SEMA6B: variants seen among roughly 807,000 people sequenced by gnomAD.
The protein encoded by SEMA6B is semaphorin-6B.
A neutral mutation model predicts 78.6 loss-of-function variants in SEMA6B; 47 were observed. That is an observed-to-expected ratio of 0.60 (90% CI 0.47 to 0.76). SEMA6B has a LOEUF of 0.76. SEMA6B is among the 30% of genes least tolerant of loss of function. The pLI, the probability that SEMA6B is intolerant of heterozygous loss-of-function variation, is 0.00. For missense variants in SEMA6B, 1,213 were observed against 1,269.9 expected (o/e 0.96, Z 0.68); for synonymous variants, 632 against 592.2 (o/e 1.07, Z -0.98).
intron 14 of SEMA6B, among the ~76,000 whole-genome samples, chr19:4,546,817 G>T (rs1382725322): frequency 6.6e-6 from 1 of 151,802 alleles, no homozygotes; most frequent in African/African-American, 2.4e-5. Context: ...CAGAGACAGG[G>T]TTTCACCAGG....
intron 15 of SEMA6B, 52 bp from the exon 16 acceptor site, chr19:4,546,326 T>C (rs769229176): frequency 6.2e-7 from 1 of 1,604,052 alleles, no homozygotes; most frequent in Non-Finnish European, 8.5e-7. Context: ...CAGTCAGAGA[T>C]CAGGGGGATC....
Position 4,543,615 on chromosome 19 carries a change from G to T in SEMA6B, c.2653C>A (p.Pro885Thr). The stretch of plus-strand genomic sequence containing the variant: ...GGGCCCCCGGCCTAGGGCACGGGGG[G>T]CGCAGTCCTGTCCGCCCCCCCATAG... ...LPYGGADRTA[P>T]PVP The change falls in exon 17 of 17, where the codon CCC (proline) becomes ACC (threonine). Residue 885 changes from proline (P) to threonine (T), a missense_variant. Transcript: ENST00000586582. 1 of 1,234,186 alleles carries T rather than the reference G, an allele frequency of 8.1e-7. No individual in the cohort carries two copies. Among genetic ancestry groups the T allele is most frequent in the Non-Finnish European group, 1.0e-6 (1 of 988,444 alleles). 76.5% of individuals were successfully genotyped at this position (1,234,186 alleles called of 1,614,324 possible).
rs1204831823 is a variant in SEMA6B at position 4,552,445 on chromosome 19, G to A, written c.966C>T (p.Ala322=). Residue 322 remains alanine, a synonymous_variant, in exon 10 of 17, where the codon GCC becomes GCT. Transcript: ENST00000586582. This position sits in a 1 kb window ranked among gnomAD's most constrained non-coding sequence, Gnocchi z 7.4. ...VSLGGRPVVL[A]VFSTPSNSIP... ...ACCTGTTGCTGGGCGTGGAAAAAAC[G>A]GCCAGGACCACGGGCCGGCCCCCGA... is the stretch of plus-strand genomic sequence containing the variant. The A allele has an allele frequency of 8.8e-6, 14 of 1,594,892 alleles. No individual in the cohort carries two copies. The highest frequency in any genetic ancestry group is 6.8e-5 in the East Asian group (3 of 43,876).
chr19:4,546,867 C>T (rs1049262114), intron 14 of SEMA6B, among the ~76,000 whole-genome samples: 10 of 152,016 alleles, frequency 6.6e-5, no homozygotes, highest in Admixed American at 5.9e-4. Flanking sequence ...CCACCCGCCT[C>T]GGACTCCCAA....
In SEMA6B at chr19:4,555,440, G is replaced by A; in HGVS notation, c.562+34C>T. On this transcript the variant is annotated intron_variant, in intron 7 of 16. Transcript: ENST00000586582. The surrounding 1 kb of genome is among the most constrained non-coding windows in gnomAD (Gnocchi z 6.1). Reference sequence around the variant, plus strand: ...AAATGCCAGGTCTTGCCTGTGGCTGGGGCTGATCAGATGGAGGTTGGGGGG... The same window carrying A: ...AAATGCCAGGTCTTGCCTGTGGCTGAGGCTGATCAGATGGAGGTTGGGGGG... 6.3e-7 allele frequency: 1 copy of A among 1,578,564 alleles called. No individual in the cohort carries two copies. Among genetic ancestry groups the A allele is most frequent in the Non-Finnish European group, 8.7e-7 (1 of 1,154,840 alleles).
In SEMA6B at chr19:4,550,594, C is replaced by A. The variant is rs1395732290; in HGVS notation, c.1121+205G>T. ...GGTCGGGCTGGTCTCAAACCCTCGA[C>A]CTCAGGTGATCTGCCCACCTCCGCC... On this transcript the variant is annotated intron_variant, in intron 11 of 16. Coordinates refer to ENST00000586582, the MANE Select transcript of SEMA6B (RefSeq NM_032108.4). The surrounding 1 kb of genome is among the most constrained non-coding windows in gnomAD (Gnocchi z 6.6). Among the ~76,000 whole-genome samples the A allele has an allele frequency of 2.0e-5, 3 of 152,106 alleles. No individual in the cohort carries two copies. Among genetic ancestry groups the A allele is most frequent in the African/African-American group, 7.2e-5 (3 of 41,406 alleles).
rs564925636 is a variant in SEMA6B at position 4,544,301 on chromosome 19, T to C, written c.1967A>G (p.Glu656Gly). The change falls in exon 17 of 17, where the codon GAG becomes GGG. Residue 656 changes from glutamate (E) to glycine (G), a missense_variant. Coordinates refer to ENST00000586582, the MANE Select transcript of SEMA6B (RefSeq NM_032108.4). This position sits in a 1 kb window ranked among gnomAD's most constrained non-coding sequence, Gnocchi z 5.1. The stretch of plus-strand genomic sequence containing the variant: ...GCCCCCGGGACCCTGCGCCCTGCGC[T>C]CGCCCAGGCGGCTGACGCTCAGCAC... ...EAVLSVSRLGERRAQGPGGRG... is the reference protein window; with the variant it reads ...EAVLSVSRLGGRRAQGPGGRG... 1.8e-3 allele frequency: 2,605 copies of C among 1,467,904 alleles called. 7 individuals are homozygous for C. The highest frequency in any genetic ancestry group is 2.1e-3 in the Non-Finnish European group (2,383 of 1,115,686). 90.9% of individuals were successfully genotyped at this position (1,467,904 alleles called of 1,614,324 possible).
Position 4,543,847 on chromosome 19 carries a change from G to A in SEMA6B, c.2421C>T (p.Pro807=), listed in dbSNP as rs1977087145. The A allele has an allele frequency of 8.3e-7, 1 of 1,211,144 alleles. No homozygotes were observed. The highest frequency in any genetic ancestry group is 1.0e-6 in the Non-Finnish European group (1 of 974,842). The allele number at this position is 1,211,144 out of a possible 1,614,324, so 75.0% of individuals were successfully genotyped here. ...RRRVVSAPTG[P]LDPASAADGL... ...CATCGGCGGCTGAGGCTGGGTCCAA[G>A]GGGCCCGTGGGCGCGGACACCACCC... is the stretch of plus-strand genomic sequence containing the variant. Residue 807 remains proline, a synonymous_variant, in exon 17 of 17, where the codon CCC becomes CCT. Transcript: ENST00000586582.
Position 4,558,230 on chromosome 19 carries a change from G to C in SEMA6B, c.122-81C>G. 1.5e-6 allele frequency: 2 copies of C among 1,342,158 alleles called. No homozygotes were observed. The highest frequency in any genetic ancestry group is 1.9e-6 in the Non-Finnish European group (2 of 1,034,690). 83.1% of individuals were successfully genotyped at this position (1,342,158 alleles called of 1,614,324 possible). On this transcript the variant is annotated intron_variant, in intron 2 of 16. Coordinates refer to ENST00000586582, the MANE Select transcript of SEMA6B (RefSeq NM_032108.4). The surrounding 1 kb of genome is among the most constrained non-coding windows in gnomAD (Gnocchi z 5.1). Reference sequence around the variant, plus strand: ...GCCTGAGGTCATGCCCCTTCTAGGGGTGGCTCCTGGACTGCTTGAGTCCCC... The same window carrying C: ...GCCTGAGGTCATGCCCCTTCTAGGGCTGGCTCCTGGACTGCTTGAGTCCCC...
Position 4,543,800 on chromosome 19 carries a change from G to T in SEMA6B, c.2468C>A (p.Pro823Gln). 8.2e-7 allele frequency: 1 copy of T among 1,218,762 alleles called. No individual in the cohort carries two copies. Among genetic ancestry groups the T allele is most frequent in the African/African-American group, 1.6e-5 (1 of 63,642 alleles). The allele number at this position is 1,218,762 out of a possible 1,614,324, so 75.5% of individuals were successfully genotyped here. Residue 823 changes from proline (P) to glutamine (Q), a missense_variant, in exon 17 of 17, where the codon CCG (proline) becomes CAG (glutamine). Physicochemically the swap from Pro to Gln is moderately conservative, Grantham distance 76 (BLOSUM62 -1). Coordinates refer to ENST00000586582, the MANE Select transcript of SEMA6B (RefSeq NM_032108.4). Reference sequence around the variant, plus strand: ...CCTCCTCAGGCTGCCCGTCGGGGGCGGGCTCCAGGGCCGCGGGAGGCCATC... The same window carrying T: ...CCTCCTCAGGCTGCCCGTCGGGGGCTGGCTCCAGGGCCGCGGGAGGCCATC... ...AADGLPRPWS[P>Q]PPTGSLRRPL...
rs1288916567 is a variant in SEMA6B at position 4,558,575 on chromosome 19, A to G, written c.-32-86T>C. ...GGGCGAGAGCAGCAGACGCTCCTTC[A>G]AATCCCAGAAAAATTCCTCACGGGG... On this transcript the variant is annotated intron_variant, in intron 1 of 16. Transcript: ENST00000586582. This position sits in a 1 kb window ranked among gnomAD's most constrained non-coding sequence, Gnocchi z 5.1. The G allele has an allele frequency of 1.3e-6, 1 of 778,844 alleles. No individual in the cohort carries two copies. The highest frequency in any genetic ancestry group is 3.4e-5 in the East Asian group (1 of 29,618). The allele number at this position is 778,844 out of a possible 1,614,324, so 48.2% of individuals were successfully genotyped here. A position where few individuals can be genotyped will look rare whatever the true frequency, so the allele number is the denominator to read the frequency against.
Position 4,556,039 on chromosome 19 carries a change from C to G in SEMA6B, c.420G>C (p.Thr140=), listed in dbSNP as rs73527729. 1.1e-3 allele frequency: 1,713 copies of G among 1,614,142 alleles called. 3 individuals carry two copies. Among genetic ancestry groups the G allele is most frequent in the Non-Finnish European group, 1.3e-3 (1,585 of 1,180,024 alleles). ...AGGCGTTGGAACCGCACACAAAGAG[C>G]GTGGACTCGTCCCGAAGGAGCAGCA... The part of the protein sequence containing the change: ...VKVLLLRDES[T]LFVCGSNAFN... Residue 140 remains threonine, a synonymous_variant, in exon 6 of 17, where the codon ACG becomes ACC. Coordinates refer to ENST00000586582, the MANE Select transcript of SEMA6B (RefSeq NM_032108.4).
chr19:4,555,628 T>C lies in SEMA6B; in HGVS notation c.472-64A>G. 1 of 1,333,200 alleles carries C rather than the reference T, an allele frequency of 7.5e-7. No homozygotes were observed. The highest frequency in any genetic ancestry group is 1.1e-6 in the Non-Finnish European group (1 of 943,854). The allele number at this position is 1,333,200 out of a possible 1,614,324, so 82.6% of individuals were successfully genotyped here. ...CCCCACCTAGCAGCCCCTGGCTCCCTCAGCCCCCCACTCCAGGGGGAATCC... is the reference window on the plus strand; with the variant it reads ...CCCCACCTAGCAGCCCCTGGCTCCCCCAGCCCCCCACTCCAGGGGGAATCC... On this transcript the variant is annotated intron_variant, in intron 6 of 16. Transcript: ENST00000586582. The surrounding 1 kb of genome is among the most constrained non-coding windows in gnomAD (Gnocchi z 6.1).
intron 10 of SEMA6B, among the ~76,000 whole-genome samples, chr19:4,551,847 A>AC (rs372067356): frequency 2.4e-4 from 34 of 140,540 alleles, no homozygotes; most frequent in Middle Eastern, 3.6e-3. Flanking sequence ...ACCAAACCAA[A>AC]CAAACAAACA....
In SEMA6B at chr19:4,555,441, G is replaced by T; in HGVS notation, c.562+33C>A. 6.3e-7 allele frequency: 1 copy of T among 1,580,506 alleles called. No individual in the cohort carries two copies. Among genetic ancestry groups the T allele is most frequent in the Non-Finnish European group, 8.6e-7 (1 of 1,156,292 alleles). ...AATGCCAGGTCTTGCCTGTGGCTGGGGCTGATCAGATGGAGGTTGGGGGGG... is the reference window on the plus strand; with the variant it reads ...AATGCCAGGTCTTGCCTGTGGCTGGTGCTGATCAGATGGAGGTTGGGGGGG... On this transcript the variant is annotated intron_variant, in intron 7 of 16. Transcript: ENST00000586582. This position sits in a 1 kb window ranked among gnomAD's most constrained non-coding sequence, Gnocchi z 6.1.
Position 4,544,414 on chromosome 19 carries a change from C to G in SEMA6B, c.1854G>C (p.Val618=). Reference sequence around the variant, plus strand: ...GCTCACGGAGGCCCACGAACCAGCCCACGCTGAAGCCGGACACCACGGCTC... The same window carrying G: ...GCTCACGGAGGCCCACGAACCAGCCGACGCTGAAGCCGGACACCACGGCTC... ...VVGAVVSGFS[V]GWFVGLRERR... is the part of the protein sequence containing the mutation. Residue 618 remains valine (V), a synonymous_variant, in exon 17 of 17, where the codon GTG becomes GTC. Coordinates refer to ENST00000586582, the MANE Select transcript of SEMA6B (RefSeq NM_032108.4). This position sits in a 1 kb window ranked among gnomAD's most constrained non-coding sequence, Gnocchi z 5.1. 1 of 1,604,352 alleles carries G rather than the reference C, an allele frequency of 6.2e-7. No individual in the cohort carries two copies. The highest frequency in any genetic ancestry group is 8.5e-7 in the Non-Finnish European group (1 of 1,176,530).
In SEMA6B at chr19:4,552,529, T is replaced by C; in HGVS notation, c.882A>G (p.Val294=). The C allele has an allele frequency of 6.2e-7, 1 of 1,612,810 alleles. No homozygotes were observed. The highest frequency in any genetic ancestry group is 1.7e-4 in the Middle Eastern group (1 of 6,060). The part of the protein sequence containing the change: ...SFLKARLNCS[V]PGDSHFYFNV... ...TGAAGTAGAAATGGGAGTCTCCGGG[T>C]ACAGAGCAGTTGAGCCGCGCCTTCA... Residue 294 remains valine, a synonymous_variant, in exon 10 of 17, where the codon GTA becomes GTG. Transcript: ENST00000586582. This position sits in a 1 kb window ranked among gnomAD's most constrained non-coding sequence, Gnocchi z 7.4.
chr19:4,547,904 C>T, intron 14 of SEMA6B, 123 bp downstream of exon 14: 3 of 1,282,194 alleles, frequency 2.3e-6, no homozygotes, highest in East Asian at 5.2e-5. Context: ...TTGCACGGGC[C>T]ATGCCCTCTG....
rs1338634798 is a variant in SEMA6B at position 4,544,383 on chromosome 19, C to T, written c.1885G>A (p.Glu629Lys). 1 of 1,594,022 alleles carries T rather than the reference C, an allele frequency of 6.3e-7. No individual in the cohort carries two copies. The highest frequency in any genetic ancestry group is 1.4e-5 in the African/African-American group (1 of 72,778). Residue 629 changes from glutamate (E) to lysine (K), a missense_variant, in exon 17 of 17, where the codon GAG (glutamate) becomes AAG (lysine). Coordinates refer to ENST00000586582, the MANE Select transcript of SEMA6B (RefSeq NM_032108.4). This position sits in a 1 kb window ranked among gnomAD's most constrained non-coding sequence, Gnocchi z 5.1. The stretch of plus-strand genomic sequence containing the variant: ...TCCTTGTCCTTGCGCCGGGCCAGCT[C>T]CCGCCGCTCACGGAGGCCCACGAAC... ...GWFVGLRERR[E>K]LARRKDKEAI...
Sources: allele counts gnomAD v4.1 joint callset (sites outside exome capture counted in the v4.1 genomes callset), GRCh38; gene constraint gnomAD v4.1.1; non-coding constraint Gnocchi (gnomAD v3.1); transcripts MANE v1.5; gene names NCBI Gene and HGNC (gene_info 2026-07-23, HGNC 2026-07-21).